Variants in ERCC3 observed in about 807,000 individuals in gnomAD.
The protein encoded by ERCC3 is ERCC excision repair 3, TFIIH core complex helicase subunit, also known as general transcription and DNA repair factor IIH helicase/translocase subunit XPB.
Under a neutral mutation model 94.2 loss-of-function variants are expected in ERCC3, and 66 were observed. The observed-to-expected ratio is 0.70, with a 90% confidence interval of 0.57 to 0.86. ERCC3 has a LOEUF of 0.86. ERCC3 is among the 40% of genes least tolerant of loss of function. The probability of loss-of-function intolerance (pLI) is 0.00; values close to 1 mark genes in which losing one functional copy is unlikely to be tolerated. For missense variants in ERCC3, 829 were observed against 987.1 expected, an observed-to-expected ratio of 0.84 and a Z score of 2.15; for synonymous variants, 349 against 369.1, an observed-to-expected ratio of 0.95 and a Z score of 0.63.
At chr2:127,266,842 G>C (rs1047040101) in intron 12 of ERCC3, among the ~76,000 whole-genome samples, 2 of 148,456 alleles carry the variant, frequency 1.3e-5, no homozygotes, top group African/African-American at 5.0e-5. Context: ...TCAGGCTCCC[G>C]AGTAGCTGGG....
Position 127,294,113 on chromosome 2 carries a change from C to T in ERCC3, c.-32G>A, listed in dbSNP as rs759901125. 6 of 1,603,386 alleles carry T rather than the reference C, an allele frequency of 3.7e-6. No individual in the cohort carries two copies. The African/African-American group carries it at 8.0e-5, about 21-fold the overall frequency. ...TACAGCAGCAGAGAGAAGATGACCCCGCTCCCACAGGCCCGCCGCGGCATC... is the reference window on the plus strand; with the variant it reads ...TACAGCAGCAGAGAGAAGATGACCCTGCTCCCACAGGCCCGCCGCGGCATC... On this transcript the variant is annotated 5_prime_UTR_variant, in exon 1 of 15. Coordinates refer to ENST00000285398, the MANE Select transcript of ERCC3 (RefSeq NM_000122.2).
chr2:127,292,976 C>A, intron 2 of ERCC3, 130 bp from the exon 3 acceptor site: 1 of 706,728 alleles, frequency 1.4e-6, no homozygotes. Context: ...AGCACTCCTT[C>A]AGACAACTGT....
Position 127,261,362 on chromosome 2 carries a change from AG to A in ERCC3, c.1946-17del. The stretch of plus-strand genomic sequence containing the variant: ...GCAACCATCCCTGCAGGAAAAAATG[AG>A]AAACGGCAATAAAGAAGACAACATT... On this transcript the variant is annotated splice_polypyrimidine_tract_variant and intron_variant, in intron 12 of 14. Coordinates refer to ENST00000285398, the MANE Select transcript of ERCC3 (RefSeq NM_000122.2). 6.9e-7 allele frequency: 1 copy of A among 1,442,708 alleles called. No homozygotes were observed. Among genetic ancestry groups the A allele is most frequent in the Non-Finnish European group, 9.8e-7 (1 of 1,023,584 alleles). 89.4% of individuals were successfully genotyped at this position (1,442,708 alleles called of 1,614,324 possible). A position where few individuals can be genotyped will look rare whatever the true frequency, so the allele number is the denominator to read the frequency against.
chr2:127,271,532 T>C lies in ERCC3; in HGVS notation c.1828-79A>G. ...TGATCCAGAATTTAAATAAGTTCTG[T>C]AGATAATTTTGAAACATAATCACTC... On this transcript the variant is annotated intron_variant, in intron 11 of 14. Transcript: ENST00000285398. The surrounding 1 kb of genome is among the most constrained non-coding windows in gnomAD (Gnocchi z 5.0). The C allele has an allele frequency of 2.0e-6, 2 of 980,056 alleles. No homozygotes were observed. The highest frequency in any genetic ancestry group is 3.3e-6 in the Non-Finnish European group (2 of 606,886). 60.7% of individuals were successfully genotyped at this position (980,056 alleles called of 1,614,324 possible).
rs1164785390 is a variant in ERCC3, at chr2:127,291,751, T to G, written c.471+859A>C. The stretch of plus-strand genomic sequence containing the variant: ...CACTGTCCATCTCTTTTAAATGGCA[T>G]TCACCCATCTCGCAGAAGAAACCTA... On this transcript the variant is annotated intron_variant, in intron 3 of 14. Transcript: ENST00000285398. This position sits in a 1 kb window ranked among gnomAD's most constrained non-coding sequence, Gnocchi z 4.9. Among the ~76,000 whole-genome samples the G allele has an allele frequency of 6.6e-6, 1 of 152,206 alleles. No homozygotes were observed. Among genetic ancestry groups the G allele is most frequent in the African/African-American group, 2.4e-5 (1 of 41,466 alleles).
rs201806429 is a variant in ERCC3 at position 127,259,426 on chromosome 2, A to C, written c.2087T>G (p.Met696Arg). Reference sequence around the variant, plus strand: ...CGAAAACGCCAAGTCTTCCTCCTCCATGCCAGCGAGTTTCGTGATCACCTG... The same window carrying C: ...CGAAAACGCCAAGTCTTCCTCCTCCCTGCCAGCGAGTTTCGTGATCACCTG... ...SFKVITKLAG[M>R]EEEDLAFSTK... The change falls in exon 14 of 15, where the codon ATG becomes AGG. Residue 696 changes from methionine (M) to arginine (R), a missense_variant. Transcript: ENST00000285398. The surrounding 1 kb of genome is among the most constrained non-coding windows in gnomAD (Gnocchi z 4.9). 1.3e-4 allele frequency: 203 copies of C among 1,613,986 alleles called. No homozygotes were observed. Among genetic ancestry groups the C allele is most frequent in the Non-Finnish European group, 1.5e-4 (181 of 1,180,030 alleles).
At chr2:127,289,978 T>A in intron 4 of ERCC3, 154 bp from the exon 5 acceptor site, 1 of 953,134 alleles carries the variant, frequency 1.0e-6, no homozygotes. Flanking sequence ...GGCCATGATT[T>A]AACATATGAG....
chr2:127,277,526 C>A lies in ERCC3; in HGVS notation c.1730+1647G>T, dbSNP rs563189047. Among the ~76,000 whole-genome samples, 1 of 152,138 alleles carries A rather than the reference C, an allele frequency of 6.6e-6. No homozygotes were observed. Among genetic ancestry groups the A allele is most frequent in the African/African-American group, 2.4e-5 (1 of 41,512 alleles). On this transcript the variant is annotated intron_variant, in intron 10 of 14. Coordinates refer to ENST00000285398, the MANE Select transcript of ERCC3 (RefSeq NM_000122.2). This position sits in a 1 kb window ranked among gnomAD's most constrained non-coding sequence, Gnocchi z 5.1. The stretch of plus-strand genomic sequence containing the variant: ...CCAATATGGTGAAACCCTATCTCTA[C>A]CAAAAATACAAAAATTATCCAGGCT...
Position 127,280,468 on chromosome 2 carries a change from G to A in ERCC3, c.1506C>T (p.Ile502=), listed in dbSNP as rs2104761830. 19 of 1,612,812 alleles carry A rather than the reference G, an allele frequency of 1.2e-5. No homozygotes were observed. The highest frequency in any genetic ancestry group is 1.5e-5 in the Non-Finnish European group (18 of 1,179,540). The part of the protein sequence containing the change: ...NWMELQNNGY[I]AKVQCAEVWC... ...CTACCTCAGCACACTGGACTTTGGCGATGTAGCCATTATTCTGCAGCTCCA... is the reference window on the plus strand; with the variant it reads ...CTACCTCAGCACACTGGACTTTGGCAATGTAGCCATTATTCTGCAGCTCCA... Residue 502 remains isoleucine, a synonymous_variant, in exon 9 of 15, where the codon ATC becomes ATT. Transcript: ENST00000285398. The surrounding 1 kb of genome is among the most constrained non-coding windows in gnomAD (Gnocchi z 6.3).
In ERCC3 at chr2:127,284,909, G is replaced by A. The variant is rs1294116109; in HGVS notation, c.1342+1794C>T. Among the ~76,000 whole-genome samples the A allele has an allele frequency of 6.6e-6, 1 of 152,030 alleles. No homozygotes were observed. The highest frequency in any genetic ancestry group is 1.5e-5 in the Non-Finnish European group (1 of 67,998). ...ACTATGTTACCCAGGCTAATCTTAA[G>A]CTCCTGGGCTCAAGCAATCCTCCTG... On this transcript the variant is annotated intron_variant, in intron 8 of 14. Coordinates refer to ENST00000285398, the MANE Select transcript of ERCC3 (RefSeq NM_000122.2). The surrounding 1 kb of genome is among the most constrained non-coding windows in gnomAD (Gnocchi z 4.1).
At chr2:127,276,909 T>C (rs1684750891) in intron 10 of ERCC3, among the ~76,000 whole-genome samples, 1 of 152,194 alleles carries the variant, frequency 6.6e-6, no homozygotes, top group Non-Finnish European at 1.5e-5. Context: ...GCCAAACTGC[T>C]GCACTGGAAG....
chr2:127,257,867 C>T lies in ERCC3; in HGVS notation c.2218-140G>A, dbSNP rs1684069138. 1.0e-6 allele frequency: 1 copy of T among 963,364 alleles called. No homozygotes were observed. The highest frequency in any genetic ancestry group is 1.6e-5 in the African/African-American group (1 of 61,618). The allele number at this position is 963,364 out of a possible 1,614,324, so 59.7% of individuals were successfully genotyped here. ...TTTAATAATGTTTACAGATCGCTTA[C>T]TGTCTCAGGCATTGTTCTAAGCATT... On this transcript the variant is annotated intron_variant, in intron 14 of 14. Transcript: ENST00000285398. The surrounding 1 kb of genome is among the most constrained non-coding windows in gnomAD (Gnocchi z 5.4).
At chr2:127,282,650 G>A (rs1684952213) in intron 8 of ERCC3, among the ~76,000 whole-genome samples, 1 of 152,120 alleles carries the variant, frequency 6.6e-6, no homozygotes, top group Non-Finnish European at 1.5e-5. Context: ...TGACTTCCTA[G>A]CATTCCCTTA....
In ERCC3 at chr2:127,271,584, T is replaced by C. The variant is rs918280946; in HGVS notation, c.1828-131A>G. ...TTTCTCCTCTTTATACCAGGGTCTA[T>C]CTGATGCAGGCAGAGAGAGGTGAAG... On this transcript the variant is annotated intron_variant, in intron 11 of 14. Transcript: ENST00000285398. This position sits in a 1 kb window ranked among gnomAD's most constrained non-coding sequence, Gnocchi z 5.0. 1.4e-6 allele frequency: 1 copy of C among 734,780 alleles called. No individual in the cohort carries two copies. The highest frequency in any genetic ancestry group is 2.4e-6 in the Non-Finnish European group (1 of 417,428). The allele number at this position is 734,780 out of a possible 1,614,324, so 45.5% of individuals were successfully genotyped here. A position where few individuals can be genotyped will look rare whatever the true frequency, so the allele number is the denominator to read the frequency against.
rs151216904 is a variant in ERCC3, at chr2:127,259,433, C to A, written c.2080G>T (p.Ala694Ser). ...GCCAAGTCTTCCTCCTCCATGCCAG[C>A]GAGTTTCGTGATCACCTGCAAAGCC... ...GYSFKVITKL[A>S]GMEEEDLAFS... is the part of the protein sequence containing the mutation. Residue 694 changes from alanine to serine, a missense_variant, in exon 14 of 15, where the codon GCT (alanine) becomes TCT (serine). Transcript: ENST00000285398. The surrounding 1 kb of genome is among the most constrained non-coding windows in gnomAD (Gnocchi z 4.9). 3.6e-5 allele frequency: 58 copies of A among 1,614,182 alleles called. No homozygotes were observed. Among genetic ancestry groups the A allele is most frequent in the Non-Finnish European group, 4.7e-5 (56 of 1,180,032 alleles).
At chr2:127,267,349 T>A (rs1684406503) in intron 12 of ERCC3, among the ~76,000 whole-genome samples, 1 of 152,204 alleles carries the variant, frequency 6.6e-6, no homozygotes, top group Non-Finnish European at 1.5e-5. Context: ...CATCGTGTAA[T>A]GACCTTTTTG....
Position 127,259,796 on chromosome 2 carries a change from G to T in ERCC3, c.2065-348C>A. The T allele has an allele frequency of 2.7e-6, 1 of 368,690 alleles. No individual in the cohort carries two copies. Among genetic ancestry groups the T allele is most frequent in the Non-Finnish European group, 5.2e-6 (1 of 190,670 alleles). 22.8% of individuals were successfully genotyped at this position (368,690 alleles called of 1,614,324 possible). On this transcript the variant is annotated intron_variant, in intron 13 of 14. Coordinates refer to ENST00000285398, the MANE Select transcript of ERCC3 (RefSeq NM_000122.2). This position sits in a 1 kb window ranked among gnomAD's most constrained non-coding sequence, Gnocchi z 4.9. ...CCTTCACATCTTGGAGCAGACAAAGGAAGGGACAAGTGACTGGAAGGCACA... is the reference window on the plus strand; with the variant it reads ...CCTTCACATCTTGGAGCAGACAAAGTAAGGGACAAGTGACTGGAAGGCACA...
chr2:127,271,230 CTATT>C lies in ERCC3; in HGVS notation c.1945+102_1945+105del, dbSNP rs1684538910. On this transcript the variant is annotated intron_variant, in intron 12 of 14. Coordinates refer to ENST00000285398, the MANE Select transcript of ERCC3 (RefSeq NM_000122.2). This position sits in a 1 kb window ranked among gnomAD's most constrained non-coding sequence, Gnocchi z 5.0. ...CTTTGGGATTCTCTCCCTCCAGAGTCTATTTAGCCCCAGGGCACATGGCAGCTCT... is the reference window on the plus strand; with the variant it reads ...CTTTGGGATTCTCTCCCTCCAGAGTCTAGCCCCAGGGCACATGGCAGCTCT... 11 of 813,884 alleles carry C rather than the reference CTATT, an allele frequency of 1.4e-5. No homozygotes were observed. Among genetic ancestry groups the C allele is most frequent in the Non-Finnish European group, 2.4e-5 (11 of 454,808 alleles). 50.4% of individuals were successfully genotyped at this position (813,884 alleles called of 1,614,324 possible). A position where few individuals can be genotyped will look rare whatever the true frequency, so the allele number is the denominator to read the frequency against.
chr2:127,264,442 GGCAACAAGAGCAAGACTCT>G lies in ERCC3; in HGVS notation c.1946-3115_1946-3097del, dbSNP rs1684291635. Reference sequence around the variant, plus strand: ...GATTGCACCATTGCACTCCAGCCTGGGCAACAAGAGCAAGACTCTGCCTCAAAAAAACAAAAAACCTTTT... The same window carrying G: ...GATTGCACCATTGCACTCCAGCCTGGGCCTCAAAAAAACAAAAAACCTTTT... On this transcript the variant is annotated intron_variant, in intron 12 of 14. Transcript: ENST00000285398. The surrounding 1 kb of genome is among the most constrained non-coding windows in gnomAD (Gnocchi z 4.4). Among the ~76,000 whole-genome samples, 2 of 152,036 alleles carry G rather than the reference GGCAACAAGAGCAAGACTCT, an allele frequency of 1.3e-5. No individual in the cohort carries two copies. The highest frequency in any genetic ancestry group is 4.2e-4 in the South Asian group (2 of 4,818).
Sources: allele counts gnomAD v4.1 joint callset (sites outside exome capture counted in the v4.1 genomes callset), GRCh38; gene constraint gnomAD v4.1.1; non-coding constraint Gnocchi (gnomAD v3.1); transcripts MANE v1.5; gene names NCBI Gene and HGNC (gene_info 2026-07-23, HGNC 2026-07-21).